IBTK: variants seen among roughly 807,000 people sequenced by gnomAD.
IBTK encodes BTK-binding protein.
Under a neutral mutation model 154.9 loss-of-function variants are expected in IBTK, and 83 were observed. The observed-to-expected ratio is 0.54, with a 90% CI of 0.45 to 0.64. IBTK has a LOEUF of 0.64. Ranked by LOEUF, IBTK falls within the 30% of genes least tolerant of loss-of-function variation. The pLI is 0.00. For missense variants in IBTK, 1,332 were observed against 1,584.6 expected (o/e 0.84, Z 2.71); for synonymous variants, 515 against 536.1 (o/e 0.96, Z 0.54).
Position 82,222,517 on chromosome 6 carries a change from A to T in IBTK, c.1124+923T>A, listed in dbSNP as rs576896223. ...TATAAATGGTAACATATTAGTCTGA[A>T]ACCTGTCTATAGAAGTTGAATACTT... On this transcript the variant is annotated intron_variant, in intron 8 of 28. Coordinates refer to ENST00000306270, the MANE Select transcript of IBTK (RefSeq NM_015525.4). Among the ~76,000 whole-genome samples the T allele has an allele frequency of 3.3e-5, 5 of 152,320 alleles. No individual in the cohort carries two copies. The South Asian group carries it at 1.0e-3, about 32-fold the overall frequency.
chr6:82,181,495 A>T (rs1768315917), intron 26 of IBTK, among the ~76,000 whole-genome samples: 1 of 152,194 alleles, frequency 6.6e-6, no homozygotes, highest in African/African-American at 2.4e-5. Flanking sequence ...GCTAATCTTT[A>T]TTGGTAGATT....
intron 21 of IBTK, among the ~76,000 whole-genome samples, chr6:82,197,406 T>C (rs942665468): frequency 7.1e-6 from 1 of 140,558 alleles, no homozygotes; most frequent in Non-Finnish European, 1.5e-5. Flanking sequence ...AGTCTTACTC[T>C]ATTGCCCAGG....
Position 82,181,941 on chromosome 6 carries a change from G to C in IBTK, c.3663C>G (p.Gly1221=), listed in dbSNP as rs200604745. 1.1e-4 allele frequency: 177 copies of C among 1,598,660 alleles called. No homozygotes were observed. Among genetic ancestry groups the C allele is most frequent in the Non-Finnish European group, 8.2e-5 (97 of 1,176,164 alleles). The change falls in exon 26 of 29, where the codon GGC becomes GGG. Residue 1221 remains glycine (G), a synonymous_variant. Transcript: ENST00000306270. ...TAAAAGAAACTTTTTTGACATGATCGCCTGAACTATGGCTAGTAACAGACT... is the reference window on the plus strand; with the variant it reads ...TAAAAGAAACTTTTTTGACATGATCCCCTGAACTATGGCTAGTAACAGACT... ...EKKSVTSHSS[G]DHVKKVSFKG...
chr6:82,211,225 C>G, intron 15 of IBTK, 142 bp downstream of exon 15: 1 of 571,904 alleles, frequency 1.7e-6, no homozygotes, highest in Non-Finnish European at 3.0e-6. Context: ...TATTTTCCAG[C>G]AGCCTCAAGC....
chr6:82,190,808 A>C (rs1332681367), intron 25 of IBTK, among the ~76,000 whole-genome samples: 2 of 152,074 alleles, frequency 1.3e-5, no homozygotes, highest in African/African-American at 4.8e-5. Context: ...CTATATATGA[A>C]AAATATATCC....
rs77380528 is a variant in IBTK, at chr6:82,223,749, T to C, written c.944-129A>G. On this transcript the variant is annotated intron_variant, in intron 7 of 28. Transcript: ENST00000306270. ...CAAGGTGGGCAGATCCCTTGAGCCC[T>C]GGAGCTCGAGACCAGCCTGTGCAAC... 6.4e-3 allele frequency: 4,569 copies of C among 713,334 alleles called. 173 individuals carry two copies. In the African/African-American group the frequency reaches 0.074, roughly 12 times the overall value. The allele number at this position is 713,334 out of a possible 1,614,324, so 44.2% of individuals were successfully genotyped here.
At chr6:82,214,090 G>A (rs531181316) in intron 12 of IBTK, 137 bp downstream of exon 12, 35 of 729,464 alleles carry the variant, frequency 4.8e-5, no homozygotes, top group Non-Finnish European at 3.1e-5. Context: ...TGAGTAGCTG[G>A]GACTACAGGC....
chr6:82,184,089 A>G (rs1350531076), intron 25 of IBTK, among the ~76,000 whole-genome samples: 1 of 152,248 alleles, frequency 6.6e-6, no homozygotes, highest in East Asian at 1.9e-4. Context: ...TGATACTGGC[A>G]TAAGGATTGA....
intron 8 of IBTK, among the ~76,000 whole-genome samples, chr6:82,221,511 T>A (rs973463740): frequency 6.6e-6 from 1 of 152,184 alleles, no homozygotes; most frequent in African/African-American, 2.4e-5. Context: ...AGTAACTCAT[T>A]CATTAGCTAC....
chr6:82,211,614 C>T lies in IBTK; in HGVS notation c.2292-42G>A, dbSNP rs528392031. The T allele has an allele frequency of 2.7e-6, 4 of 1,486,776 alleles. No homozygotes were observed. The African/African-American group carries it at 4.2e-5, about 15-fold the overall frequency. 92.1% of individuals were successfully genotyped at this position (1,486,776 alleles called of 1,614,324 possible). A position where few individuals can be genotyped will look rare whatever the true frequency, so the allele number is the denominator to read the frequency against. On this transcript the variant is annotated intron_variant, in intron 13 of 28. Transcript: ENST00000306270. ...AATTGAAGCAAGAGCAATTTCTTTA[C>T]ATATTTAGTGAAAAAGATTATAGGA...
chr6:82,216,201 A>G lies in IBTK; in HGVS notation c.1476T>C (p.Ser492=). 2 of 1,608,888 alleles carry G rather than the reference A, an allele frequency of 1.2e-6. No homozygotes were observed. The highest frequency in any genetic ancestry group is 2.2e-5 in the East Asian group (1 of 44,806). ...HNSSSDVSYV[S]DINSVYERIR... ...TTCTTTCATACACACTATTTATATC[A>G]GAGACATAAGACACATCTGATGAGG... is the stretch of plus-strand genomic sequence containing the variant. The change falls in exon 11 of 29, where the codon TCT becomes TCC. Residue 492 remains serine, a synonymous_variant. Transcript: ENST00000306270.
intron 5 of IBTK, among the ~76,000 whole-genome samples, chr6:82,225,960 C>A (rs1004949140): frequency 6.6e-6 from 1 of 151,964 alleles, no homozygotes; most frequent in Non-Finnish European, 1.5e-5. Flanking sequence ...AAAGTATACA[C>A]GGGTACATTG....
In IBTK at chr6:82,214,371, T is replaced by C. The variant is rs369286416; in HGVS notation, c.2060A>G (p.Lys687Arg). ...DNQKSAFEVY[K>R]SNQAQTVSER... Reference sequence around the variant, plus strand: ...ACTAACTGTTTGAGCTTGATTACTTTTGTAAACTTCAAATGCAGACTTCTG... The same window carrying C: ...ACTAACTGTTTGAGCTTGATTACTTCTGTAAACTTCAAATGCAGACTTCTG... The change falls in exon 12 of 29, where the codon AAA becomes AGA. Residue 687 changes from lysine (K) to arginine (R), a missense_variant. Around this residue, in one of 3 missense-constraint regions of IBTK, gnomAD observed 1,134 missense variants for 1,274.7 expected, o/e 0.89. Transcript: ENST00000306270. 2.5e-6 allele frequency: 4 copies of C among 1,614,130 alleles called. No individual in the cohort carries two copies. Among genetic ancestry groups the C allele is most frequent in the East Asian group, 2.2e-5 (1 of 44,856 alleles).
In IBTK at chr6:82,209,246, A is replaced by G. The variant is rs1010176640; in HGVS notation, c.2509+1568T>C. 1.6e-4 allele frequency among the ~76,000 whole-genome samples: 25 copies of G among 152,204 alleles called. 1 individual carries two copies. The highest frequency in any genetic ancestry group is 4.6e-4 in the African/African-American group (19 of 41,454). ...ATATGCCCAAGAAAAATGAAAACAT[A>G]GGCCCACGCAAAAACTTAGGCATGA... On this transcript the variant is annotated intron_variant, in intron 16 of 28. Coordinates refer to ENST00000306270, the MANE Select transcript of IBTK (RefSeq NM_015525.4).
intron 26 of IBTK, chr6:82,174,763 T>C (rs1180281345): frequency 2.8e-6 from 1 of 354,462 alleles, no homozygotes; most frequent in Non-Finnish European, 5.5e-6. Flanking sequence ...TTAACTATTA[T>C]AGAGATTAAA....
intron 13 of IBTK, 92 bp from the exon 14 acceptor site, chr6:82,211,664 T>C (rs996429934): frequency 1.1e-6 from 1 of 934,112 alleles, no homozygotes; most frequent in Non-Finnish European, 1.7e-6. Flanking sequence ...CAGTTTTCTC[T>C]TAAAGGTGGC....
intron 17 of IBTK, 113 bp downstream of exon 17, chr6:82,204,744 T>C (rs1769332957): frequency 2.0e-6 from 1 of 507,520 alleles, no homozygotes; most frequent in Non-Finnish European, 3.4e-6. Flanking sequence ...CAGGTTTTCG[T>C]GGTACCAAAA....
chr6:82,234,720 T>C (rs1321246875), intron 2 of IBTK, among the ~76,000 whole-genome samples: 1 of 152,170 alleles, frequency 6.6e-6, no homozygotes, highest in Non-Finnish European at 1.5e-5. Flanking sequence ...TTATCTCTCA[T>C]ATTCACACAC....
chr6:82,216,153 A>C lies in IBTK; in HGVS notation c.1524T>G (p.Phe508Leu). 6.2e-7 allele frequency: 1 copy of C among 1,613,782 alleles called. No homozygotes were observed. Residue 508 changes from phenylalanine to leucine, a missense_variant, in exon 11 of 29, where the codon TTT (phenylalanine) becomes TTG (leucine). Physicochemically the swap from Phe to Leu is conservative, Grantham distance 22 (BLOSUM62 0). Around this residue, in one of 3 missense-constraint regions of IBTK, gnomAD observed 1,134 missense variants for 1,274.7 expected, o/e 0.89. Coordinates refer to ENST00000306270, the MANE Select transcript of IBTK (RefSeq NM_015525.4). ...TGCTGACACTAACAGCTCTATGTGC[A>C]AAGGTAAGTTTCTCAAGTCGAATTC... ...YERIRLEKLT[F>L]AHRAVSVSTD...
Sources: gnomAD v4.1 joint callset for allele counts (sites outside exome capture counted in the v4.1 genomes callset) on GRCh38, gnomAD v4.1.1 for gene constraint, gnomAD v4.1.1 regional missense constraint, MANE v1.5 for transcripts, NCBI Gene and HGNC (gene_info 2026-07-23, HGNC 2026-07-21) for gene names.